Variants in B3GAT2 observed in about 807,000 individuals in gnomAD.
B3GAT2 encodes the protein galactosylgalactosylxylosylprotein 3-beta-glucuronosyltransferase 2.
In B3GAT2, 26 loss-of-function variants were observed where a neutral mutation model predicts 27.8. The observed-to-expected ratio is 0.93, with a 90% CI of 0.68 to 1.30. The LOEUF (loss-of-function observed/expected upper bound fraction) is 1.30, where lower values mean the gene tolerates loss of function less well. B3GAT2 is among the 50% of genes most tolerant of loss of function. The pLI, the probability that B3GAT2 is intolerant of heterozygous loss-of-function variation, is 0.00. For synonymous variants in B3GAT2, 218 were observed against 195.1 expected (o/e 1.12, Z -0.98); for missense variants, 458 against 459.0 (o/e 1.00, Z 0.02).
intron 2 of B3GAT2, among the ~76,000 whole-genome samples, chr6:70,887,090 C>T (rs1303004503): frequency 6.6e-6 from 1 of 152,198 alleles, no homozygotes; most frequent in Non-Finnish European, 1.5e-5. Context: ...GAAAACAGCA[C>T]ACTTAAATCA....
intron 1 of B3GAT2, among the ~76,000 whole-genome samples, chr6:70,946,822 T>C (rs985216915): frequency 6.6e-6 from 1 of 150,716 alleles, no homozygotes; most frequent in South Asian, 2.1e-4. Flanking sequence ...ATTGACCACA[T>C]AGTTGGAAGT....
Position 70,899,182 on chromosome 6 carries a change from G to T in B3GAT2, c.592-4910C>A, listed in dbSNP as rs928843995. ...AATTGCCATTAAAGGGAATTAAAAA[G>T]AATAATAAACTATACCTGTGGGACC... On this transcript the variant is annotated intron_variant, in intron 1 of 3. Transcript: ENST00000230053. Among the ~76,000 whole-genome samples the T allele has an allele frequency of 5.9e-5, 9 of 152,212 alleles. No homozygotes were observed. The South Asian group carries it at 6.2e-4, about 11-fold the overall frequency.
chr6:70,864,772 T>C (rs1034707060), intron 2 of B3GAT2, among the ~76,000 whole-genome samples: 1 of 152,208 alleles, frequency 6.6e-6, no homozygotes, highest in Non-Finnish European at 1.5e-5. Flanking sequence ...TCCTAAACCA[T>C]TGATTTCCAA....
intron 1 of B3GAT2, among the ~76,000 whole-genome samples, chr6:70,944,121 C>T (rs561305775): frequency 8.5e-5 from 13 of 152,262 alleles, no homozygotes; most frequent in South Asian, 4.1e-4. Context: ...GGAACAGCTC[C>T]GGTCTACAGC....
intron 1 of B3GAT2, among the ~76,000 whole-genome samples, chr6:70,926,841 C>T (rs991950197): frequency 4.6e-5 from 7 of 152,174 alleles, no homozygotes; most frequent in Non-Finnish European, 7.3e-5. Context: ...CAAAGATACT[C>T]CTCCAGAAGG....
rs1317369543 is a variant in B3GAT2 at position 70,877,480 on chromosome 6, G to A, written c.737-15502C>T. On this transcript the variant is annotated intron_variant, in intron 2 of 3. Coordinates refer to ENST00000230053, the MANE Select transcript of B3GAT2 (RefSeq NM_080742.3). ...TAGGCTCTCTTACCATCAAGTCCTG[G>A]TCTTAAGTACCTAGAGTAACCTGTA... is the stretch of plus-strand genomic sequence containing the variant. 2.0e-5 allele frequency among the ~76,000 whole-genome samples: 3 copies of A among 152,126 alleles called. No homozygotes were observed. The East Asian group carries it at 5.8e-4, about 29-fold the overall frequency.
At chr6:70,943,214 T>C (rs1263882176) in intron 1 of B3GAT2, among the ~76,000 whole-genome samples, 1 of 152,188 alleles carries the variant, frequency 6.6e-6, no homozygotes, top group African/African-American at 2.4e-5. Context: ...TTGTTTTTAA[T>C]CCAAGGAAAT....
intron 1 of B3GAT2, among the ~76,000 whole-genome samples, chr6:70,936,261 G>C (rs1432670339): frequency 2.0e-5 from 3 of 151,830 alleles, no homozygotes; most frequent in Admixed American, 6.6e-5. Flanking sequence ...AGCAAGTCCT[G>C]AGTGACCTAC....
At chr6:70,910,671 A>G (rs1219170116) in intron 1 of B3GAT2, among the ~76,000 whole-genome samples, 2 of 152,178 alleles carry the variant, frequency 1.3e-5, no homozygotes, top group South Asian at 2.1e-4. Flanking sequence ...AATGATTTCT[A>G]TTCCTTTGGG....
intron 1 of B3GAT2, among the ~76,000 whole-genome samples, chr6:70,913,459 A>C (rs1207103067): frequency 6.6e-6 from 1 of 152,090 alleles, no homozygotes; most frequent in Non-Finnish European, 1.5e-5. Context: ...TTCATTGTTT[A>C]CCCAAAAGTC....
chr6:70,894,293 T>G (rs1427484728), intron 1 of B3GAT2, 21 bp from the exon 2 acceptor site: 9 of 1,554,682 alleles, frequency 5.8e-6, no homozygotes, highest in Non-Finnish European at 7.8e-6. Flanking sequence ...GGAAAAGACA[T>G]GTGTTTTAAG....
Position 70,857,746 on chromosome 6 carries a change from G to C in B3GAT2, c.*3917C>G, listed in dbSNP as rs186099548. 5 of 616,972 alleles carry C rather than the reference G, an allele frequency of 8.1e-6. No homozygotes were observed. The East Asian group carries it at 1.4e-4, about 17-fold the overall frequency. The allele number at this position is 616,972 out of a possible 1,614,324, so 38.2% of individuals were successfully genotyped here. A position where few individuals can be genotyped will look rare whatever the true frequency, so the allele number is the denominator to read the frequency against. On this transcript the variant is annotated 3_prime_UTR_variant, in exon 4 of 4. Coordinates refer to ENST00000230053, the MANE Select transcript of B3GAT2 (RefSeq NM_080742.3). ...TAATAACTGATTTGTCTGCATCCTAGAAACAACCAGCTCTCAGGGTTTAGG... is the reference window on the plus strand; with the variant it reads ...TAATAACTGATTTGTCTGCATCCTACAAACAACCAGCTCTCAGGGTTTAGG...
intron 2 of B3GAT2, among the ~76,000 whole-genome samples, chr6:70,863,093 G>C (rs754745236): frequency 6.6e-6 from 1 of 152,186 alleles, no homozygotes; most frequent in Non-Finnish European, 1.5e-5. Context: ...TTGTTTTGAA[G>C]GTCTGAAGCC....
chr6:70,872,937 G>C (rs190294279), intron 2 of B3GAT2, among the ~76,000 whole-genome samples: 2 of 151,812 alleles, frequency 1.3e-5, no homozygotes, highest in African/African-American at 4.8e-5. Flanking sequence ...ATTTCAACAG[G>C]ATAAAAAAAC....
intron 1 of B3GAT2, among the ~76,000 whole-genome samples, chr6:70,898,799 A>G (rs1006189863): frequency 1.3e-5 from 2 of 152,090 alleles, no homozygotes; most frequent in Non-Finnish European, 1.5e-5. Context: ...AGTCATTTAC[A>G]TATGGGCCCA....
chr6:70,890,370 C>A (rs1041627653), intron 2 of B3GAT2, among the ~76,000 whole-genome samples: 2 of 152,084 alleles, frequency 1.3e-5, no homozygotes, highest in Non-Finnish European at 1.5e-5. Context: ...ACACCCTGGT[C>A]CACAGGACTC....
At chr6:70,861,808 G>GTAATGTGTA (rs1771745666) in intron 3 of B3GAT2, 22 bp downstream of exon 3, 2 of 1,613,858 alleles carry the variant, frequency 1.2e-6, no homozygotes. Flanking sequence ...TCGAGGTCGG[G>GTAATGTGTA]CAGCACAAGT....
chr6:70,901,983 T>C lies in B3GAT2; in HGVS notation c.592-7711A>G, dbSNP rs557726366. On this transcript the variant is annotated intron_variant, in intron 1 of 3. Transcript: ENST00000230053. ...CATTAATAAATGAAAATGAACCACG[T>C]TGAAATTTTAGCCCGTTAGATTTTA... Among the ~76,000 whole-genome samples the C allele has an allele frequency of 1.1e-4, 16 of 152,266 alleles. No homozygotes were observed. The East Asian group carries it at 2.7e-3, about 26-fold the overall frequency.
intron 2 of B3GAT2, among the ~76,000 whole-genome samples, chr6:70,873,209 A>G (rs754428788): frequency 1.3e-5 from 2 of 149,286 alleles, no homozygotes; most frequent in Non-Finnish European, 3.0e-5. Context: ...TTTTGCCTAA[A>G]GGACTCCTTT....
Sources: allele counts gnomAD v4.1 joint callset (sites outside exome capture counted in the v4.1 genomes callset), GRCh38; gene constraint gnomAD v4.1.1; transcripts MANE v1.5; gene names NCBI Gene and HGNC (gene_info 2026-07-23, HGNC 2026-07-21).